SMAD3: variants seen among roughly 807,000 people sequenced by gnomAD.
SMAD3 encodes the protein SMAD family member 3.
Under a neutral mutation model 51.8 loss-of-function variants are expected in SMAD3, and 12 were observed. The ratio of observed to expected loss-of-function variants is 0.23; its 90% confidence interval spans 0.15 to 0.38. The LOEUF is 0.38. Ranked by LOEUF, SMAD3 falls within the 10% of genes least tolerant of loss-of-function variation. The probability of loss-of-function intolerance (pLI) is 1.00; values close to 1 mark genes in which losing one functional copy is unlikely to be tolerated. For synonymous variants in SMAD3, 238 were observed against 227.7 expected, an observed-to-expected ratio of 1.05 and a Z score of -0.41; for missense variants, 294 against 565.6, an observed-to-expected ratio of 0.52 and a Z score of 4.87.
At chr15:67,181,113 T>C (rs1963040338) in intron 5 of SMAD3, 128 bp from the exon 6 acceptor site, 14 of 745,330 alleles carry the variant, frequency 1.9e-5, no homozygotes, top group Admixed American at 1.6e-4. Flanking sequence ...ATAAAAGGCA[T>C]GGGGTAGGGA....
chr15:67,099,903 C>T (rs541440050), intron 1 of SMAD3, among the ~76,000 whole-genome samples: 2 of 152,262 alleles, frequency 1.3e-5, no homozygotes, highest in Admixed American at 6.5e-5. Context: ...AGTACGTGGC[C>T]GGGCGCAGTG....
In SMAD3 at chr15:67,194,202, A is replaced by C. The variant is rs1027098247; in HGVS notation, c.*3666A>C. 14 of 233,370 alleles carry C rather than the reference A, an allele frequency of 6.0e-5. No individual in the cohort carries two copies. Among genetic ancestry groups the C allele is most frequent in the Non-Finnish European group, 1.1e-4 (13 of 118,064 alleles). 14.5% of individuals were successfully genotyped at this position (233,370 alleles called of 1,614,324 possible). A position where few individuals can be genotyped will look rare whatever the true frequency, so the allele number is the denominator to read the frequency against. On this transcript the variant is annotated 3_prime_UTR_variant, in exon 9 of 9. Coordinates refer to ENST00000327367, the MANE Select transcript of SMAD3 (RefSeq NM_005902.4). ...CCAAACCTCAACACAGCGAAGCTGT[A>C]CTGTCTTTGTGTGGCAAAGATGTTC...
intron 1 of SMAD3, among the ~76,000 whole-genome samples, chr15:67,135,161 C>T (rs1961626529): frequency 6.6e-6 from 1 of 152,148 alleles, no homozygotes; most frequent in Non-Finnish European, 1.5e-5. Context: ...CCTTTCTGTG[C>T]CAGGGGTCAG....
At chr15:67,084,273 G>T (rs978375166) in intron 1 of SMAD3, among the ~76,000 whole-genome samples, 2 of 151,256 alleles carry the variant, frequency 1.3e-5, no homozygotes, top group African/African-American at 4.9e-5. Flanking sequence ...AGTAGAGACG[G>T]GGTTTCTTTG....
rs1963413822 is a variant in SMAD3 at position 67,193,324 on chromosome 15, T to G, written c.*2788T>G. The G allele has an allele frequency of 4.3e-6, 1 of 233,324 alleles. No homozygotes were observed. The allele number at this position is 233,324 out of a possible 1,614,324, so 14.5% of individuals were successfully genotyped here. On this transcript the variant is annotated 3_prime_UTR_variant, in exon 9 of 9. Transcript: ENST00000327367. ...GCCCTGGGCTCCCCGCCATGACATC[T>G]TCACCTTGCAGCTTGTGCTGAGACT...
chr15:67,138,975 C>T (rs1427987449), intron 1 of SMAD3, among the ~76,000 whole-genome samples: 1 of 152,200 alleles, frequency 6.6e-6, no homozygotes. Flanking sequence ...AAAGCAAAAG[C>T]CCTTCACTGT....
At chr15:67,099,147 C>T (rs965288298) in intron 1 of SMAD3, 23 of 639,616 alleles carry the variant, frequency 3.6e-5, no homozygotes, top group South Asian at 2.3e-4. Context: ...AAGAAGTAGC[C>T]GCTCTTGTTC....
At chr15:67,100,233 C>T (rs1003451674) in intron 1 of SMAD3, among the ~76,000 whole-genome samples, 3 of 145,890 alleles carry the variant, frequency 2.1e-5, no homozygotes, top group African/African-American at 7.5e-5. Flanking sequence ...ATGGGTGAAT[C>T]TTGAAAACAT....
chr15:67,099,829 C>A (rs1439214128), intron 1 of SMAD3, among the ~76,000 whole-genome samples: 1 of 152,222 alleles, frequency 6.6e-6, no homozygotes, highest in East Asian at 1.9e-4. Flanking sequence ...GAATGATTTA[C>A]TTAGCAATTA....
At chr15:67,109,084 G>A (rs1228520335) in intron 1 of SMAD3, among the ~76,000 whole-genome samples, 1 of 152,218 alleles carries the variant, frequency 6.6e-6, no homozygotes, top group African/African-American at 2.4e-5. Context: ...ACCTAGCACG[G>A]TGCCTGATAA....
At chr15:67,136,402 G>A (rs1359721242) in intron 1 of SMAD3, among the ~76,000 whole-genome samples, 4 of 150,812 alleles carry the variant, frequency 2.7e-5, no homozygotes, top group African/African-American at 7.3e-5. Flanking sequence ...GTGCAATCTC[G>A]GCTCACTGCA....
chr15:67,171,471 G>A (rs1962750543), intron 5 of SMAD3, among the ~76,000 whole-genome samples: 1 of 152,160 alleles, frequency 6.6e-6, no homozygotes, highest in African/African-American at 2.4e-5. Context: ...TTTATTGAGG[G>A]GAGATTTTTA....
chr15:67,160,106 G>C (rs1962386774), intron 1 of SMAD3, among the ~76,000 whole-genome samples: 1 of 152,176 alleles, frequency 6.6e-6, no homozygotes, highest in African/African-American at 2.4e-5. Flanking sequence ...CAATTACCCA[G>C]ATTTGATCAT....
In SMAD3 at chr15:67,118,464, G is replaced by C. The variant is rs138789756; in HGVS notation, c.207-46431G>C. ...AAGATAATAACTCATTGTAGAGTAAGATCAGGACTGGGGCCAGCAGACTTG... is the reference window on the plus strand; with the variant it reads ...AAGATAATAACTCATTGTAGAGTAACATCAGGACTGGGGCCAGCAGACTTG... On this transcript the variant is annotated intron_variant, in intron 1 of 8. Coordinates refer to ENST00000327367, the MANE Select transcript of SMAD3 (RefSeq NM_005902.4). 7.9e-3 allele frequency among the ~76,000 whole-genome samples: 1,196 copies of C among 152,324 alleles called. 11 individuals are homozygous for C. The highest frequency in any genetic ancestry group is 0.054 in the Middle Eastern group (16 of 294).
chr15:67,153,409 C>T (rs1409484983), intron 1 of SMAD3, among the ~76,000 whole-genome samples: 1 of 146,558 alleles, frequency 6.8e-6, no homozygotes, highest in Non-Finnish European at 1.5e-5. Flanking sequence ...GGAGAATCAC[C>T]TGAACTGGAG....
intron 1 of SMAD3, among the ~76,000 whole-genome samples, chr15:67,120,941 G>A (rs573481956): frequency 1.2e-4 from 18 of 152,198 alleles, no homozygotes; most frequent in South Asian, 2.1e-4. Flanking sequence ...CTCTTCCATC[G>A]TGGCCCAGGG....
At chr15:67,152,878 C>T (rs915841947) in intron 1 of SMAD3, among the ~76,000 whole-genome samples, 1 of 152,162 alleles carries the variant, frequency 6.6e-6, no homozygotes. Context: ...GCCCTAAACA[C>T]TCTCCTCCTC....
intron 1 of SMAD3, among the ~76,000 whole-genome samples, chr15:67,103,259 A>G (rs1417179009): frequency 6.6e-6 from 1 of 152,126 alleles, no homozygotes; most frequent in Non-Finnish European, 1.5e-5. Context: ...AGGTCGTGCA[A>G]AAGCTACACA....
At chr15:67,084,070 CTTTTTTTTTTTTTTTTTT>C (rs56675753) in intron 1 of SMAD3, among the ~76,000 whole-genome samples, 2 of 85,070 alleles carry the variant, frequency 2.4e-5, no homozygotes, top group Non-Finnish European at 4.4e-5. Context: ...CTTTTTTTTT[CTTTTTTTTTTTTTTTTTT>C]TTTTTGAGAT....
Sources: allele counts gnomAD v4.1 joint callset (sites outside exome capture counted in the v4.1 genomes callset), GRCh38; gene constraint gnomAD v4.1.1; transcripts MANE v1.5; gene names NCBI Gene and HGNC (gene_info 2026-07-23, HGNC 2026-07-21).